MGST2: variants seen among roughly 807,000 people sequenced by gnomAD.
MGST2 encodes the protein glutathione peroxidase MGST2.
In MGST2, 9 loss-of-function variants were observed where a neutral mutation model predicts 16.6. The observed-to-expected ratio is 0.54, with a 90% CI of 0.33 to 0.95. The LOEUF (loss-of-function observed/expected upper bound fraction) is 0.95, where lower values mean the gene tolerates loss of function less well. Ranked by LOEUF, MGST2 falls within the 40% of genes least tolerant of loss-of-function variation. The pLI is 0.03. For synonymous variants in MGST2, 79 were observed against 68.0 expected, an observed-to-expected ratio of 1.16 and a Z score of -0.79; for missense variants, 159 against 175.1, an observed-to-expected ratio of 0.91 and a Z score of 0.52.
At chr4:139,689,130 G>A (rs1214026048) in intron 2 of MGST2, among the ~76,000 whole-genome samples, 4 of 148,026 alleles carry the variant, frequency 2.7e-5, no homozygotes, top group Non-Finnish European at 6.0e-5. Flanking sequence ...AAAAAAAAAG[G>A]GATCTCCCAA....
In MGST2 at chr4:139,666,074, C is replaced by T. The variant is rs778330965; in HGVS notation, c.55C>T (p.Gln19Ter). The change falls in exon 1 of 5, where the codon CAA becomes TAA. Residue 19 changes from glutamine (Q) to a stop codon, truncating the protein, a stop_gained. Transcript: ENST00000265498. LOFTEE classifies it high-confidence loss of function. Reference sequence around the variant, plus strand: ...TGTCTCTATTCTCTCGGCCTGTCAGCAAAGTAAGAGGCATGGGAAGTTCGT... The same window carrying T: ...TGTCTCTATTCTCTCGGCCTGTCAGTAAAGTAAGAGGCATGGGAAGTTCGT... ...AAVSILSACQ[Q>*]SYFALQVGKA... The T allele has an allele frequency of 1.2e-6, 2 of 1,613,312 alleles. No homozygotes were observed. Among genetic ancestry groups the T allele is most frequent in the South Asian group, 2.2e-5 (2 of 91,032 alleles).
chr4:139,665,844 A>G lies in MGST2; in HGVS notation c.-176A>G. 1.4e-6 allele frequency: 1 copy of G among 695,282 alleles called. No individual in the cohort carries two copies. The highest frequency in any genetic ancestry group is 2.6e-6 in the Non-Finnish European group (1 of 384,984). The allele number at this position is 695,282 out of a possible 1,614,324, so 43.1% of individuals were successfully genotyped here. On this transcript the variant is annotated 5_prime_UTR_variant, in exon 1 of 5. Transcript: ENST00000265498. Reference sequence around the variant, plus strand: ...ATAAAGATCTGTGACCGGCAGCCCCAGACCTGCCTGCCTTCCTGACTTCTG... The same window carrying G: ...ATAAAGATCTGTGACCGGCAGCCCCGGACCTGCCTGCCTTCCTGACTTCTG...
At chr4:139,698,815 C>T (rs1472653489) in intron 3 of MGST2, among the ~76,000 whole-genome samples, 2 of 150,742 alleles carry the variant, frequency 1.3e-5, no homozygotes, top group Non-Finnish European at 3.0e-5. Context: ...TTTCTTCTTT[C>T]TTCATCTTCT....
At chr4:139,718,375 T>C (rs1468626748) in intron 5 of MGST2, 1 of 152,180 alleles carries the variant, frequency 6.6e-6, no homozygotes, top group Non-Finnish European at 1.5e-5. Flanking sequence ...GGATAGTCTG[T>C]AAGGAGAAGC....
the MGST2 span, among the ~76,000 whole-genome samples, chr4:139,748,777 G>C: frequency 1.3e-5 from 2 of 152,182 alleles, no homozygotes; most frequent in African/African-American, 2.4e-5. Flanking sequence ...CCGAGGTTTT[G>C]AACAGTAGAA....
chr4:139,666,072 A>C lies in MGST2; in HGVS notation c.53A>C (p.Gln18Pro). ...LAAVSILSAC[Q>P]QSYFALQVGK... ...GCTGTCTCTATTCTCTCGGCCTGTC[A>C]GCAAAGTAAGAGGCATGGGAAGTTC... is the stretch of plus-strand genomic sequence containing the variant. The change falls in exon 1 of 5, where the codon CAG becomes CCG. Residue 18 changes from glutamine (Q) to proline (P), a missense_variant. Coordinates refer to ENST00000265498, the MANE Select transcript of MGST2 (RefSeq NM_002413.5). The C allele has an allele frequency of 1.2e-6, 2 of 1,613,430 alleles. No homozygotes were observed. Among genetic ancestry groups the C allele is most frequent in the Non-Finnish European group, 1.7e-6 (2 of 1,179,956 alleles).
chr4:139,702,844 G>GTTTTTTTTTTTTTGTTTTTTTTTTTTTTT (rs1727328907), intron 3 of MGST2, among the ~76,000 whole-genome samples: 2 of 46,424 alleles, frequency 4.3e-5, no homozygotes, highest in Non-Finnish European at 8.9e-5. Flanking sequence ...TGTGTTACTG[G>GTTTTTTTTTTTTTGTTTTTTTTTTTTTTT]TTTTTTTTTT....
intron 5 of MGST2, among the ~76,000 whole-genome samples, chr4:139,712,918 G>A (rs1056623845): frequency 2.0e-5 from 3 of 152,222 alleles, no homozygotes; most frequent in Non-Finnish European, 4.4e-5. Context: ...ATGCAAATAA[G>A]TATATTGCCA....
At chr4:139,723,237 A>G (rs2110964991) in intron 5 of MGST2, among the ~76,000 whole-genome samples, 1 of 152,390 alleles carries the variant, frequency 6.6e-6, no homozygotes, top group South Asian at 2.1e-4. Context: ...CTATTTATAT[A>G]GAAACAAAAG....
chr4:139,740,391 T>C (rs1006515478), exon 6 of MGST2: 1 of 152,158 alleles, frequency 6.6e-6, no homozygotes, highest in African/African-American at 2.4e-5. Flanking sequence ...GGCATGCAAG[T>C]GGCCGCTGTC....
chr4:139,719,815 A>G (rs1260813466), intron 5 of MGST2: 1 of 1,613,544 alleles, frequency 6.2e-7, no homozygotes, highest in Non-Finnish European at 8.5e-7. Flanking sequence ...ATTCTCCACT[A>G]GTCCTCCCAG....
intron 5 of MGST2, among the ~76,000 whole-genome samples, chr4:139,721,583 A>T (rs955046668): frequency 1.3e-5 from 2 of 152,082 alleles, no homozygotes; most frequent in Non-Finnish European, 2.9e-5. Flanking sequence ...GTGGCTATTG[A>T]TTTCTGGGCT....
chr4:139,702,842 TGG>T (rs1434913529), intron 3 of MGST2, among the ~76,000 whole-genome samples: 1 of 136,708 alleles, frequency 7.3e-6, no homozygotes, highest in Non-Finnish European at 1.6e-5. Flanking sequence ...TTTGTGTTAC[TGG>T]TTTTTTTTTT....
chr4:139,701,306 C>T (rs551162815), intron 3 of MGST2, among the ~76,000 whole-genome samples: 6 of 152,232 alleles, frequency 3.9e-5, no homozygotes, highest in Admixed American at 2.6e-4. Flanking sequence ...GGAGTAACTC[C>T]CTAGACAGGG....
downstream of MGST2, among the ~76,000 whole-genome samples, chr4:139,708,985 G>A (rs1413490578): frequency 2.4e-5 from 2 of 83,966 alleles, no homozygotes; most frequent in Non-Finnish European, 4.4e-5. Context: ...GGCAACGAGA[G>A]CAAAACTCCG....
At chr4:139,719,151 G>T in intron 5 of MGST2, 1 of 677,426 alleles carries the variant, frequency 1.5e-6, no homozygotes, top group South Asian at 2.2e-5. Flanking sequence ...GGTGAAATGA[G>T]GCCTGGTGGG....
intron 5 of MGST2, among the ~76,000 whole-genome samples, chr4:139,727,976 G>A (rs185482719): frequency 1.7e-3 from 262 of 152,298 alleles, no homozygotes; most frequent in Middle Eastern, 3.4e-3. Flanking sequence ...AGCACTTTGG[G>A]AGGCCGAGGC....
intron 1 of MGST2, among the ~76,000 whole-genome samples, chr4:139,668,240 T>C (rs1730474424): frequency 6.6e-6 from 1 of 152,166 alleles, no homozygotes; most frequent in African/African-American, 2.4e-5. Context: ...GTTCTTACTA[T>C]GCAAATGAAG....
intron 2 of MGST2, 192 bp downstream of exon 2, chr4:139,678,834 C>T: frequency 1.6e-6 from 1 of 629,432 alleles, no homozygotes; most frequent in Admixed American, 2.5e-5. Context: ...AAGTCTCTGC[C>T]CACATCTATT....
Sources: gnomAD v4.1 joint callset for allele counts (sites outside exome capture counted in the v4.1 genomes callset) on GRCh38, gnomAD v4.1.1 for gene constraint, MANE v1.5 for transcripts, NCBI Gene and HGNC (gene_info 2026-07-23, HGNC 2026-07-21) for gene names.